Variants in WDR59 observed in about 807,000 individuals in gnomAD.
WDR59 encodes WD repeat domain 59.
Under a neutral mutation model 131.2 loss-of-function variants are expected in WDR59, and 100 were observed. The observed-to-expected ratio is 0.76, with a 90% confidence interval of 0.65 to 0.90. WDR59 has a LOEUF of 0.90. Ranked by LOEUF, WDR59 falls within the 40% of genes least tolerant of loss-of-function variation. The probability of loss-of-function intolerance (pLI) is 0.00; values close to 1 mark genes in which losing one functional copy is unlikely to be tolerated. For synonymous variants in WDR59, 601 were observed against 466.2 expected (o/e 1.29, Z -3.72); for missense variants, 1,203 against 1,262.2 (o/e 0.95, Z 0.71).
chr16:74,882,133 G>A (rs1050766734), intron 25 of WDR59, among the ~76,000 whole-genome samples: 8 of 152,216 alleles, frequency 5.3e-5, no homozygotes, highest in South Asian at 2.1e-4. Flanking sequence ...ACAGAATCCC[G>A]CATGACACTT....
intron 18 of WDR59, among the ~76,000 whole-genome samples, chr16:74,895,496 C>G (rs576742343): frequency 6.6e-6 from 1 of 152,280 alleles, no homozygotes; most frequent in Non-Finnish European, 1.5e-5. Flanking sequence ...CTCCTGACCT[C>G]AAGTGATTCA....
At chr16:74,903,161 A>T (rs1965632440) in intron 18 of WDR59, among the ~76,000 whole-genome samples, 1 of 152,242 alleles carries the variant, frequency 6.6e-6, no homozygotes, top group Non-Finnish European at 1.5e-5. Context: ...TTTAAAAACA[A>T]ATATTAATTA....
intron 8 of WDR59, among the ~76,000 whole-genome samples, chr16:74,933,028 G>A (rs868678263): frequency 1.3e-5 from 2 of 152,056 alleles, no homozygotes; most frequent in Non-Finnish European, 2.9e-5. Context: ...GGATTTTCTT[G>A]TAAAAAATGC....
At chr16:74,920,404 A>G (rs1567721238) in intron 10 of WDR59, among the ~76,000 whole-genome samples, 1 of 151,918 alleles carries the variant, frequency 6.6e-6, no homozygotes, top group Non-Finnish European at 1.5e-5. Context: ...TTAAATATAT[A>G]TATATATTTT....
At chr16:74,974,656 A>C (rs945373345) in intron 1 of WDR59, among the ~76,000 whole-genome samples, 9 of 152,174 alleles carry the variant, frequency 5.9e-5, no homozygotes, top group Non-Finnish European at 1.3e-4. Context: ...CTGTATGTAC[A>C]AACGACGTAG....
Position 74,965,844 on chromosome 16 carries a change from C to A in WDR59, c.55-22G>T, listed in dbSNP as rs1299466602. On this transcript the variant is annotated intron_variant, in intron 1 of 25. Coordinates refer to ENST00000262144, the MANE Select transcript of WDR59 (RefSeq NM_030581.4). The stretch of plus-strand genomic sequence containing the variant: ...TTGCCTGAGAGAGAGAACACAGAGT[C>A]AGTGCTGCCAGCAAACCCAGCCGGG... 5.0e-6 allele frequency: 8 copies of A among 1,613,934 alleles called. No homozygotes were observed. In the East Asian group the frequency reaches 1.6e-4, roughly 31 times the overall value.
intron 1 of WDR59, among the ~76,000 whole-genome samples, chr16:74,971,011 T>C (rs1437421206): frequency 1.3e-5 from 2 of 151,626 alleles, no homozygotes; most frequent in African/African-American, 4.8e-5. Context: ...TTCACACCAC[T>C]ACACTCCTGG....
At chr16:74,896,905 G>C (rs1289709759) in intron 18 of WDR59, among the ~76,000 whole-genome samples, 1 of 152,152 alleles carries the variant, frequency 6.6e-6, no homozygotes, top group Non-Finnish European at 1.5e-5. Context: ...TTACAGATGA[G>C]GACATGAGGC....
chr16:74,919,118 C>G lies in WDR59; in HGVS notation c.887-1110G>C, dbSNP rs35922463. ...TCAACCCCTCGACCTGTGCCTCCCC[C>G]GCTGGTCCCAAGGGGCCCTTTGCTT... On this transcript the variant is annotated intron_variant, in intron 10 of 25. Transcript: ENST00000262144. Among the ~76,000 whole-genome samples the G allele has an allele frequency of 5.4e-4, 82 of 152,008 alleles. 1 individual carries two copies. Among genetic ancestry groups the G allele is most frequent in the Middle Eastern group, 3.4e-3 (1 of 294 alleles).
intron 8 of WDR59, among the ~76,000 whole-genome samples, chr16:74,930,332 C>T (rs747371470): frequency 2.0e-5 from 3 of 152,092 alleles, no homozygotes; most frequent in African/African-American, 4.8e-5. Context: ...CACCTACTAG[C>T]TACCCATAAA....
intron 2 of WDR59, 117 bp from the exon 3 acceptor site, chr16:74,956,727 C>G: frequency 7.9e-7 from 1 of 1,265,838 alleles, no homozygotes; most frequent in Non-Finnish European, 1.1e-6. Flanking sequence ...AAAACCCAAA[C>G]ACACATGGCA....
intron 23 of WDR59, 157 bp from the exon 24 acceptor site, chr16:74,886,553 C>A: frequency 1.0e-6 from 1 of 999,264 alleles, no homozygotes; most frequent in Non-Finnish European, 1.4e-6. Context: ...AGAACTCTCT[C>A]CTACCCTTGC....
intron 2 of WDR59, among the ~76,000 whole-genome samples, chr16:74,958,911 T>G (rs1028958988): frequency 1.3e-5 from 2 of 150,744 alleles, no homozygotes; most frequent in African/African-American, 4.9e-5. Flanking sequence ...AAAAAAAAAT[T>G]AGCCAGGCAT....
At chr16:74,950,473 G>A (rs541141969) in intron 4 of WDR59, among the ~76,000 whole-genome samples, 5 of 152,288 alleles carry the variant, frequency 3.3e-5, no homozygotes, top group South Asian at 2.1e-4. Flanking sequence ...CTTAAGCAGC[G>A]GCAAACTGCC....
chr16:74,957,071 CTTTT>C (rs909344421), intron 2 of WDR59, among the ~76,000 whole-genome samples: 3 of 140,106 alleles, frequency 2.1e-5, no homozygotes, highest in African/African-American at 8.0e-5. Flanking sequence ...TCTTGAATAT[CTTTT>C]TTTTTCTTTT....
chr16:74,902,221 T>C (rs779561024), intron 18 of WDR59, among the ~76,000 whole-genome samples: 5 of 152,194 alleles, frequency 3.3e-5, no homozygotes, highest in Non-Finnish European at 7.3e-5. Flanking sequence ...CCCCAGTTTA[T>C]TTGGTCACTA....
At chr16:74,874,481 C>T (rs1271376912) in intron 25 of WDR59, 37 bp from the exon 26 acceptor site, 2 of 1,596,138 alleles carry the variant, frequency 1.3e-6, no homozygotes, top group South Asian at 2.2e-5. Context: ...CAAGAGGCAG[C>T]ATGAGTTTAG....
chr16:74,945,432 A>G (rs563065070), intron 6 of WDR59, among the ~76,000 whole-genome samples: 98 of 152,010 alleles, frequency 6.4e-4, no homozygotes, highest in Admixed American at 1.7e-3. Context: ...AGCTGAGATC[A>G]TGCCACTGCA....
chr16:74,921,579 C>A, intron 10 of WDR59, among the ~76,000 whole-genome samples: 1 of 152,028 alleles, frequency 6.6e-6, no homozygotes, highest in Non-Finnish European at 1.5e-5. Flanking sequence ...CTAAAGACCA[C>A]CTTGGGTCTC....
Sources: gnomAD v4.1 joint callset for allele counts (sites outside exome capture counted in the v4.1 genomes callset) on GRCh38, gnomAD v4.1.1 for gene constraint, MANE v1.5 for transcripts, NCBI Gene and HGNC (gene_info 2026-07-23, HGNC 2026-07-21) for gene names.